CACNA1E: variants seen among roughly 807,000 people sequenced by gnomAD.
CACNA1E encodes the protein voltage-dependent R-type calcium channel subunit alpha-1E.
In CACNA1E, 40 loss-of-function variants were observed where a neutral mutation model predicts 259.2. The ratio of observed to expected loss-of-function variants is 0.15; its 90% CI spans 0.12 to 0.20. The LOEUF (loss-of-function observed/expected upper bound fraction) is 0.20. Among genes scored for constraint, CACNA1E ranks in the 10% least tolerant of loss-of-function variants. CACNA1E has a pLI of 1.00. For missense variants in CACNA1E, 1,874 were observed against 3,040.1 expected (o/e 0.62, Z 9.02); for synonymous variants, 1,104 against 1,138.5 (o/e 0.97, Z 0.61).
At chr1:181,662,068 G>A (rs1647741381) in intron 7 of CACNA1E, among the ~76,000 whole-genome samples, 1 of 152,156 alleles carries the variant, frequency 6.6e-6, no homozygotes, top group Non-Finnish European at 1.5e-5. Flanking sequence ...TGACCAGAGT[G>A]GGGTGTTCAT....
intron 1 of CACNA1E, among the ~76,000 whole-genome samples, chr1:181,381,023 A>G (rs1655422884): frequency 6.6e-6 from 1 of 152,048 alleles, no homozygotes; most frequent in South Asian, 2.1e-4. Context: ...AAAATTAGCT[A>G]GACATGGTGA....
intron 2 of CACNA1E, among the ~76,000 whole-genome samples, chr1:181,425,984 G>A (rs776744742): frequency 2.6e-5 from 4 of 152,130 alleles, no homozygotes; most frequent in Non-Finnish European, 4.4e-5. Flanking sequence ...TGCTGATCAG[G>A]TGATGAGGAA....
At chr1:181,349,349 A>C (rs1367460985) in intron 1 of CACNA1E, among the ~76,000 whole-genome samples, 2 of 152,168 alleles carry the variant, frequency 1.3e-5, no homozygotes, top group African/African-American at 2.4e-5. Context: ...TGGGCTGGGG[A>C]GACTTGAGAG....
intron 7 of CACNA1E, among the ~76,000 whole-genome samples, chr1:181,698,526 T>A (rs564557533): frequency 6.6e-6 from 1 of 152,314 alleles, no homozygotes; most frequent in South Asian, 2.1e-4. Context: ...CAAAGATAGG[T>A]GTAATGAGTC....
chr1:181,617,519 G>A (rs1026224384), intron 6 of CACNA1E, among the ~76,000 whole-genome samples: 2 of 152,184 alleles, frequency 1.3e-5, no homozygotes, highest in Non-Finnish European at 2.9e-5. Context: ...TGTTCTCTGT[G>A]TATTCCCTAT....
intron 1 of CACNA1E, among the ~76,000 whole-genome samples, 176 bp downstream of exon 1, chr1:181,484,186 G>A (rs1026930537): frequency 6.6e-5 from 10 of 152,060 alleles, no homozygotes; most frequent in African/African-American, 2.4e-4. Flanking sequence ...GACCCGTTTG[G>A]GCACTAGTGT....
intron 23 of CACNA1E, among the ~76,000 whole-genome samples, chr1:181,737,919 A>G (rs1034683496): frequency 6.6e-6 from 1 of 152,178 alleles, no homozygotes; most frequent in Non-Finnish European, 1.5e-5. Flanking sequence ...TGGGTCTAAT[A>G]TAGGGTCATG....
At chr1:181,578,013 C>A (rs1651144388) in intron 4 of CACNA1E, 144 bp downstream of exon 4, 1 of 478,704 alleles carries the variant, frequency 2.1e-6, no homozygotes. Context: ...GGAGATGGAG[C>A]AATCTGGTGT....
At chr1:181,565,424 T>C (rs1649723159) in intron 3 of CACNA1E, among the ~76,000 whole-genome samples, 2 of 152,326 alleles carry the variant, frequency 1.3e-5, no homozygotes, top group South Asian at 4.1e-4. Context: ...TCTCTCTCAC[T>C]GTAGCCAGTT....
chr1:181,621,643 A>G (rs770404026), intron 6 of CACNA1E, among the ~76,000 whole-genome samples: 5 of 152,230 alleles, frequency 3.3e-5, no homozygotes, highest in African/African-American at 7.2e-5. Flanking sequence ...AGAATGAGAT[A>G]TAGTGAATAA....
chr1:181,577,402 A>G (rs991720740), intron 3 of CACNA1E, among the ~76,000 whole-genome samples: 12 of 152,236 alleles, frequency 7.9e-5, no homozygotes, highest in Admixed American at 6.5e-4. Context: ...AAATAAAAAA[A>G]TACAAGGGCC....
chr1:181,367,615 A>G (rs1177623539), intron 1 of CACNA1E, among the ~76,000 whole-genome samples: 1 of 148,358 alleles, frequency 6.7e-6, no homozygotes, highest in Non-Finnish European at 1.5e-5. Context: ...TAATTATATA[A>G]TATATGATTA....
At chr1:181,372,089 G>C (rs1202374725) in intron 1 of CACNA1E, among the ~76,000 whole-genome samples, 1 of 152,040 alleles carries the variant, frequency 6.6e-6, no homozygotes, top group African/African-American at 2.4e-5. Flanking sequence ...GCTTCTTTTT[G>C]GTTCCATATG....
chr1:181,476,737 A>G (rs1662878348), intron 2 of CACNA1E, among the ~76,000 whole-genome samples: 1 of 152,088 alleles, frequency 6.6e-6, no homozygotes, highest in Admixed American at 6.5e-5. Context: ...GTGTTTTCTG[A>G]GTCAAGAGGC....
rs1654891685 is a variant in CACNA1E at position 181,726,178 on chromosome 1, C to T, written c.2240+16C>T. 1.3e-6 allele frequency: 2 copies of T among 1,582,930 alleles called. No homozygotes were observed. Among genetic ancestry groups the T allele is most frequent in the South Asian group, 1.1e-5 (1 of 88,694 alleles). ...CTTCGATCGAGTGAGTCAGCTGCCC[C>T]CTTCACTGATCCCTGAGCTCCTGTG... On this transcript the variant is annotated intron_variant, in intron 18 of 47. Coordinates refer to ENST00000367573, the MANE Select transcript of CACNA1E (RefSeq NM_001205293.3).
At chr1:181,482,270 GCCCGTGGCACCGCT>G (rs1663325774), upstream of CACNA1E, among the ~76,000 whole-genome samples, 1 of 152,230 alleles carries the variant, frequency 6.6e-6, no homozygotes, top group African/African-American at 2.4e-5. Flanking sequence ...GCGGCGGCGG[GCCCGTGGCACCGCT>G]CCCGGCACCG....
chr1:181,448,474 C>T lies in CACNA1E; in HGVS notation c.434+34894C>T, dbSNP rs1221062489. On this transcript the variant is annotated intron_variant, in intron 2 of 11. Coordinates refer to the CACNA1E transcript ENST00000524607. ...TTCCAAATCTGAATGTTTCTCTTTC[C>T]ACCACATCATATTTTTTCTCCTGGG... Among the ~76,000 whole-genome samples the T allele has an allele frequency of 9.8e-5, 15 of 152,302 alleles. 1 individual carries two copies. In the South Asian group the frequency reaches 2.7e-3, roughly 27 times the overall value.
At chr1:181,632,211 G>A (rs1243025912) in intron 6 of CACNA1E, among the ~76,000 whole-genome samples, 6 of 152,084 alleles carry the variant, frequency 3.9e-5, no homozygotes, top group African/African-American at 1.5e-4. Flanking sequence ...GCAAGAGTGG[G>A]GAGCTAACCT....
At position 181,758,935 on chromosome 1, in the gene CACNA1E, T is replaced by G. The variant is rs1442390741; in HGVS notation, c.4605+67T>G. ...CTGTTGGGTGCCTTCCCAGTCTTTG[T>G]TGAAGGGGAGGTGGTTACTGCTATT... On this transcript the variant is annotated intron_variant, in intron 32 of 47. Coordinates refer to ENST00000367573, the MANE Select transcript of CACNA1E (RefSeq NM_001205293.3). The surrounding 1 kb of genome is among the most constrained non-coding windows in gnomAD (Gnocchi z 4.2). 1 of 884,956 alleles carries G rather than the reference T, an allele frequency of 1.1e-6. No homozygotes were observed. The highest frequency in any genetic ancestry group is 1.9e-6 in the Non-Finnish European group (1 of 538,390). 54.8% of individuals were successfully genotyped at this position (884,956 alleles called of 1,614,324 possible). A position where few individuals can be genotyped will look rare whatever the true frequency, so the allele number is the denominator to read the frequency against.
Sources: gnomAD v4.1 joint callset for allele counts (sites outside exome capture counted in the v4.1 genomes callset) on GRCh38, gnomAD v4.1.1 for gene constraint, Gnocchi (gnomAD v3.1) non-coding constraint, MANE v1.5 for transcripts, NCBI Gene and HGNC (gene_info 2026-07-23, HGNC 2026-07-21) for gene names.